The following RBFOX1 variants were observed in gnomAD, a reference collection of about 807,000 sequenced individuals.
The protein encoded by RBFOX1 is RNA binding protein fox-1 homolog 1.
In RBFOX1, 8 loss-of-function variants were observed where a neutral mutation model predicts 57.7. That is an observed-to-expected ratio of 0.14 (90% CI 0.08 to 0.25). The LOEUF (loss-of-function observed/expected upper bound fraction) is 0.25, where lower values mean the gene tolerates loss of function less well. RBFOX1 is among the 10% of genes least tolerant of loss of function. The probability of loss-of-function intolerance (pLI) is 1.00; values close to 1 mark genes in which losing one functional copy is unlikely to be tolerated. For synonymous variants in RBFOX1, 326 were observed against 222.4 expected, an observed-to-expected ratio of 1.47 and a Z score of -4.15; for missense variants, 611 against 548.5, an observed-to-expected ratio of 1.11 and a Z score of -1.14.
intron 1 of RBFOX1, among the ~76,000 whole-genome samples, chr16:6,240,441 T>C (rs1380113784): frequency 6.6e-6 from 1 of 152,104 alleles, no homozygotes; most frequent in East Asian, 1.9e-4. Flanking sequence ...AGTTGATGCA[T>C]GGTGAGGGAG....
chr16:6,865,004 T>C (rs1041063989), intron 3 of RBFOX1, among the ~76,000 whole-genome samples: 5 of 140,572 alleles, frequency 3.6e-5, no homozygotes, highest in African/African-American at 5.5e-5. Context: ...TCTTTTTTTT[T>C]TTTTTTTTTT....
intron 3 of RBFOX1, among the ~76,000 whole-genome samples, chr16:6,962,535 C>G (rs574584050): frequency 3.4e-4 from 52 of 151,694 alleles, no homozygotes; most frequent in Admixed American, 3.0e-3. Flanking sequence ...GCTCAGAGGT[C>G]AAAAGCACCT....
intron 4 of RBFOX1, among the ~76,000 whole-genome samples, chr16:7,496,082 A>G (rs1016516074): frequency 1.3e-5 from 2 of 152,134 alleles, no homozygotes; most frequent in African/African-American, 2.4e-5. Flanking sequence ...TTCTGTCTCT[A>G]TCAGCAGTGA....
chr16:7,242,444 C>T (rs1402644606), intron 4 of RBFOX1, among the ~76,000 whole-genome samples: 1 of 152,120 alleles, frequency 6.6e-6, no homozygotes, highest in Non-Finnish European at 1.5e-5. Flanking sequence ...TTGAAATGGG[C>T]AACATCATGA....
intron 4 of RBFOX1, among the ~76,000 whole-genome samples, chr16:5,902,041 G>A (rs989610776): frequency 2.6e-5 from 4 of 152,076 alleles, no homozygotes; most frequent in African/African-American, 4.8e-5. Flanking sequence ...TACTTATAAC[G>A]TGGATGGGGT....
At chr16:6,388,396 A>T (rs74486056) in intron 2 of RBFOX1, among the ~76,000 whole-genome samples, 3,506 of 152,260 alleles carry the variant, frequency 0.023, 137 homozygotes, top group African/African-American at 0.079. Flanking sequence ...GAAGAGCAGA[A>T]AGAAAGAAAT....
At chr16:7,185,946 G>A (rs9930591) in intron 4 of RBFOX1, among the ~76,000 whole-genome samples, 43,884 of 151,866 alleles carry the variant, frequency 0.29, 7,783 homozygotes, top group African/African-American at 0.49. Flanking sequence ...CTTTCTCCCC[G>A]TCCTCTGAAG....
At chr16:6,721,018 C>G (rs1330499266) in intron 3 of RBFOX1, among the ~76,000 whole-genome samples, 1 of 152,168 alleles carries the variant, frequency 6.6e-6, no homozygotes, top group Non-Finnish European at 1.5e-5. Context: ...GAATATGCAG[C>G]TTTTATGCTG....
chr16:6,549,559 A>AGGAGGATGGGAGGC (rs2096954325), intron 2 of RBFOX1, among the ~76,000 whole-genome samples: 1 of 117,198 alleles, frequency 8.5e-6, no homozygotes, highest in Non-Finnish European at 1.8e-5. Flanking sequence ...GGATGGGAGG[A>AGGAGGATGGGAGGC]GGGGAGGAAG....
chr16:7,631,402 G>A (rs1445302675), intron 11 of RBFOX1, among the ~76,000 whole-genome samples: 1 of 152,146 alleles, frequency 6.6e-6, no homozygotes, highest in African/African-American at 2.4e-5. Flanking sequence ...GATGCTCTGG[G>A]TTCAAGGATG....
At chr16:6,553,497 C>T (rs2097031022) in intron 2 of RBFOX1, among the ~76,000 whole-genome samples, 1 of 152,120 alleles carries the variant, frequency 6.6e-6, no homozygotes, top group Non-Finnish European at 1.5e-5. Context: ...CCACCTACAC[C>T]AATCCACACA....
At chr16:6,312,313 C>T (rs1048866347) in intron 1 of RBFOX1, among the ~76,000 whole-genome samples, 1 of 152,112 alleles carries the variant, frequency 6.6e-6, no homozygotes, top group African/African-American at 2.4e-5. Context: ...AGCCCTTACC[C>T]TCCCGCCCCA....
At chr16:5,700,424 C>T (rs1282208154) in intron 3 of RBFOX1, among the ~76,000 whole-genome samples, 2 of 152,064 alleles carry the variant, frequency 1.3e-5, no homozygotes, top group African/African-American at 4.8e-5. Flanking sequence ...AGTTGTTTCT[C>T]CTGTTATTCT....
At position 7,420,044 on chromosome 16, in the gene RBFOX1, C is replaced by G. The variant is rs372412656; in HGVS notation, c.28-98103C>G. 1.6e-4 allele frequency among the ~76,000 whole-genome samples: 24 copies of G among 147,312 alleles called. No individual in the cohort carries two copies. The East Asian group carries it at 1.8e-3, about 11-fold the overall frequency. On this transcript the variant is annotated intron_variant, in intron 4 of 15. Coordinates refer to ENST00000550418, the MANE Select transcript of RBFOX1 (RefSeq NM_018723.4). ...TTAGTGATATATGTTGTCACTGTTTCTTTTCATAGCCTTTAAAGTAACAAA... is the reference window on the plus strand; with the variant it reads ...TTAGTGATATATGTTGTCACTGTTTGTTTTCATAGCCTTTAAAGTAACAAA...
intron 4 of RBFOX1, among the ~76,000 whole-genome samples, chr16:7,434,798 G>C (rs1288820692): frequency 6.6e-6 from 1 of 151,522 alleles, no homozygotes; most frequent in South Asian, 2.1e-4. Flanking sequence ...GGAGTGCAGT[G>C]GTGTGATCTC....
chr16:7,355,401 C>G (rs2097197135), intron 4 of RBFOX1, among the ~76,000 whole-genome samples: 1 of 152,102 alleles, frequency 6.6e-6, no homozygotes, highest in Admixed American at 6.6e-5. Flanking sequence ...GCCTACTGCC[C>G]CCTTTCTCCT....
At chr16:7,700,429 C>G (rs143067100) in intron 14 of RBFOX1, among the ~76,000 whole-genome samples, 16 of 152,266 alleles carry the variant, frequency 1.1e-4, no homozygotes, top group African/African-American at 3.8e-4. Context: ...GTGTTTGACT[C>G]TAGAAATTCT....
intron 2 of RBFOX1, among the ~76,000 whole-genome samples, chr16:6,482,368 A>C (rs925167336): frequency 1.3e-5 from 2 of 152,226 alleles, no homozygotes; most frequent in South Asian, 4.1e-4. Context: ...TCCAAGAGTC[A>C]TTTCCCCAGC....
chr16:5,592,904 C>A (rs1465151722), intron 2 of RBFOX1, among the ~76,000 whole-genome samples: 3 of 152,136 alleles, frequency 2.0e-5, no homozygotes, highest in African/African-American at 4.8e-5. Flanking sequence ...TTAGAGCTGT[C>A]AGTGGTGCGG....
Sources: allele counts gnomAD v4.1 joint callset (sites outside exome capture counted in the v4.1 genomes callset), GRCh38; gene constraint gnomAD v4.1.1; transcripts MANE v1.5; gene names NCBI Gene and HGNC (gene_info 2026-07-23, HGNC 2026-07-21).